The following CSMD1 variants were observed in gnomAD, a reference collection of about 807,000 sequenced individuals.
CSMD1 encodes CUB and Sushi multiple domains 1, also known as CUB and sushi domain-containing protein 1.
CSMD1 carries 213 observed loss-of-function variants against 417.5 expected under a neutral mutation model. The observed-to-expected ratio is 0.51, with a 90% CI of 0.46 to 0.57. The LOEUF (loss-of-function observed/expected upper bound fraction) is 0.57. Ranked by LOEUF, CSMD1 falls within the 20% of genes least tolerant of loss-of-function variation. CSMD1 has a pLI of 0.00. For missense variants in CSMD1, 6,923 were observed against 4,529.7 expected (o/e 1.53, Z -15.17); for synonymous variants, 2,862 against 1,736.8 (o/e 1.65, Z -16.11).
intron 49 of CSMD1, among the ~76,000 whole-genome samples, chr8:3,058,604 T>A (rs1305053761): frequency 6.6e-6 from 1 of 152,226 alleles, no homozygotes; most frequent in Non-Finnish European, 1.5e-5. Context: ...AGAATGTTTG[T>A]GCCACAACTT....
chr8:4,748,897 A>G (rs951491376), intron 1 of CSMD1, among the ~76,000 whole-genome samples: 1 of 152,178 alleles, frequency 6.6e-6, no homozygotes, highest in Non-Finnish European at 1.5e-5. Context: ...CGGTCCTGTT[A>G]CTCTGAAGGT....
chr8:4,212,089 G>A (rs139124106), intron 3 of CSMD1, among the ~76,000 whole-genome samples: 156 of 151,602 alleles, frequency 1.0e-3, no homozygotes, highest in African/African-American at 3.1e-3. Flanking sequence ...CCTTGTCAAC[G>A]GAACGTAAAA....
intron 1 of CSMD1, among the ~76,000 whole-genome samples, chr8:4,723,986 A>T (rs1280104689): frequency 6.6e-6 from 1 of 152,034 alleles, no homozygotes; most frequent in Non-Finnish European, 1.5e-5. Context: ...AGAACGTGAA[A>T]ACAATTTTTA....
At chr8:3,447,093 C>T (rs1815353117) in intron 12 of CSMD1, among the ~76,000 whole-genome samples, 1 of 152,170 alleles carries the variant, frequency 6.6e-6, no homozygotes, top group South Asian at 2.1e-4. Flanking sequence ...ATTTTGAGTA[C>T]CTCATTAATA....
intron 1 of CSMD1, among the ~76,000 whole-genome samples, chr8:4,742,360 GCCA>G (rs998942543): frequency 2.0e-5 from 3 of 151,840 alleles, no homozygotes; most frequent in African/African-American, 4.8e-5. Context: ...ACATCTCTAA[GCCA>G]CCGACTGTAT....
At chr8:4,177,907 A>G (rs947298321) in intron 3 of CSMD1, among the ~76,000 whole-genome samples, 1 of 152,112 alleles carries the variant, frequency 6.6e-6, no homozygotes, top group African/African-American at 2.4e-5. Context: ...GAATAGACCA[A>G]TAACAGGATC....
intron 26 of CSMD1, among the ~76,000 whole-genome samples, chr8:3,263,106 T>A (rs1801196656): frequency 6.6e-6 from 1 of 152,220 alleles, no homozygotes; most frequent in Admixed American, 6.5e-5. Flanking sequence ...CATCATCAAC[T>A]GTTATTTTTT....
chr8:4,980,005 C>A (rs112622255), intron 1 of CSMD1, among the ~76,000 whole-genome samples: 1 of 152,242 alleles, frequency 6.6e-6, no homozygotes, highest in East Asian at 1.9e-4. Context: ...GCACTGCACT[C>A]CAGCCTGGGC....
At chr8:3,569,402 C>T (rs1371955702) in intron 10 of CSMD1, among the ~76,000 whole-genome samples, 3 of 151,940 alleles carry the variant, frequency 2.0e-5, no homozygotes, top group Admixed American at 6.6e-5. Context: ...CAGTCAAAGC[C>T]GAGATAAGAC....
At chr8:4,937,088 C>A (rs1241698943) in intron 1 of CSMD1, among the ~76,000 whole-genome samples, 7 of 152,156 alleles carry the variant, frequency 4.6e-5, no homozygotes, top group African/African-American at 1.7e-4. Flanking sequence ...TGGCACACAC[C>A]TGTAGTCCCA....
intron 3 of CSMD1, among the ~76,000 whole-genome samples, chr8:4,418,019 C>T (rs554600448): frequency 6.6e-6 from 1 of 152,120 alleles, no homozygotes; most frequent in Admixed American, 6.6e-5. Flanking sequence ...CCAAATAACG[C>T]ACACTCATTT....
chr8:4,354,865 A>AGT (rs59255397), intron 3 of CSMD1, among the ~76,000 whole-genome samples: 16,892 of 129,274 alleles, frequency 0.13, 1,155 homozygotes, highest in South Asian at 0.23. Flanking sequence ...AGGAAAATGT[A>AGT]GTGTGTGTGT....
At chr8:3,703,161 ATCT>A (rs1800963407) in intron 7 of CSMD1, among the ~76,000 whole-genome samples, 1 of 152,196 alleles carries the variant, frequency 6.6e-6, no homozygotes, top group African/African-American at 2.4e-5. Context: ...GAAATTCTAA[ATCT>A]TCTCATTCTA....
intron 12 of CSMD1, among the ~76,000 whole-genome samples, chr8:3,420,882 T>C (rs1488057879): frequency 2.0e-5 from 3 of 152,140 alleles, no homozygotes; most frequent in African/African-American, 4.8e-5. Context: ...ATGCTTCCCA[T>C]GATTGAGAAA....
intron 3 of CSMD1, among the ~76,000 whole-genome samples, chr8:4,262,698 T>C (rs200524388): frequency 2.0e-4 from 30 of 152,208 alleles, no homozygotes; most frequent in East Asian, 7.8e-4. Flanking sequence ...CAGCCTCAAG[T>C]TATCACTCAG....
At chr8:4,718,428 G>T (rs1227654176) in intron 1 of CSMD1, among the ~76,000 whole-genome samples, 1 of 152,130 alleles carries the variant, frequency 6.6e-6, no homozygotes, top group Non-Finnish European at 1.5e-5. Flanking sequence ...AAACCAGGCT[G>T]ATTCTTAAGC....
chr8:3,702,519 A>T (rs1800928120), intron 7 of CSMD1, among the ~76,000 whole-genome samples: 1 of 152,224 alleles, frequency 6.6e-6, no homozygotes, highest in Non-Finnish European at 1.5e-5. Flanking sequence ...AATGACAGGT[A>T]CTGTTACCAT....
At chr8:4,115,581 C>T (rs1427264532) in intron 3 of CSMD1, among the ~76,000 whole-genome samples, 4 of 152,158 alleles carry the variant, frequency 2.6e-5, no homozygotes, top group African/African-American at 9.7e-5. Flanking sequence ...AGGAACTTAA[C>T]TGATCATACA....
chr8:4,646,904 T>C (rs1803553402), intron 1 of CSMD1, among the ~76,000 whole-genome samples: 2 of 152,202 alleles, frequency 1.3e-5, no homozygotes, highest in African/African-American at 4.8e-5. Flanking sequence ...AGCAGATTTT[T>C]TTAACCTCAT....
Sources: gnomAD v4.1 joint callset for allele counts (sites outside exome capture counted in the v4.1 genomes callset) on GRCh38, gnomAD v4.1.1 for gene constraint, MANE v1.5 for transcripts, NCBI Gene and HGNC (gene_info 2026-07-23, HGNC 2026-07-21) for gene names.